The following CDS1 variants were observed in gnomAD, a reference collection of about 807,000 sequenced individuals.
CDS1 encodes phosphatidate cytidylyltransferase 1.
In CDS1, 41 loss-of-function variants were observed where a neutral mutation model predicts 62.1. The ratio of observed to expected loss-of-function variants is 0.66; its 90% confidence interval spans 0.51 to 0.86. The LOEUF is 0.86. Ranked by LOEUF, CDS1 falls within the 40% of genes least tolerant of loss-of-function variation. The pLI is 0.00. For missense variants in CDS1, 470 were observed against 550.1 expected (o/e 0.85, Z 1.46); for synonymous variants, 185 against 192.6 (o/e 0.96, Z 0.32).
At chr4:84,596,872 C>T (rs1237845478) in intron 1 of CDS1, among the ~76,000 whole-genome samples, 6 of 151,820 alleles carry the variant, frequency 4.0e-5, no homozygotes, top group Non-Finnish European at 7.4e-5. Flanking sequence ...AGAAGAATAC[C>T]GTAGCACAAT....
intron 2 of CDS1, among the ~76,000 whole-genome samples, chr4:84,606,333 T>C (rs1723095326): frequency 6.7e-6 from 1 of 149,988 alleles, no homozygotes; most frequent in African/African-American, 2.5e-5. Context: ...TGTGTGTGTA[T>C]GTGTGTGTAT....
intron 9 of CDS1, among the ~76,000 whole-genome samples, chr4:84,639,734 G>A (rs1578053134): frequency 6.6e-6 from 1 of 152,042 alleles, no homozygotes; most frequent in African/African-American, 2.4e-5. Context: ...AGCCTGGAGA[G>A]AGTGAATATA....
At chr4:84,616,283 C>A (rs1274587615) in intron 3 of CDS1, among the ~76,000 whole-genome samples, 1 of 152,114 alleles carries the variant, frequency 6.6e-6, no homozygotes, top group African/African-American at 2.4e-5. Context: ...CCTACAAGTA[C>A]TGTTTATGGT....
chr4:84,613,085 GAT>G lies in CDS1; in HGVS notation c.342+3575_342+3576del, dbSNP rs145991468. 4.7e-3 allele frequency among the ~76,000 whole-genome samples: 692 copies of G among 148,020 alleles called. 1 individual carries two copies. The highest frequency in any genetic ancestry group is 0.013 in the African/African-American group (517 of 40,554). ...TTTATTACATACACATACATGCATAGATATATATATATATATTATGTTTTTAT... is the reference window on the plus strand; with the variant it reads ...TTTATTACATACACATACATGCATAGATATATATATATATTATGTTTTTAT... On this transcript the variant is annotated intron_variant, in intron 3 of 12. Coordinates refer to ENST00000295887, the MANE Select transcript of CDS1 (RefSeq NM_001263.4).
chr4:84,589,886 C>T (rs1722534763), intron 1 of CDS1, among the ~76,000 whole-genome samples: 1 of 152,194 alleles, frequency 6.6e-6, no homozygotes, highest in Admixed American at 6.5e-5. Flanking sequence ...CCTCGGCTCA[C>T]TGCAAGCTCT....
chr4:84,634,300 T>C (rs1724112224), intron 7 of CDS1, among the ~76,000 whole-genome samples: 1 of 152,170 alleles, frequency 6.6e-6, no homozygotes, highest in Non-Finnish European at 1.5e-5. Context: ...TATAAAACTT[T>C]GCCTACTAGT....
chr4:84,632,014 G>A, intron 6 of CDS1, 137 bp downstream of exon 6: 1 of 565,506 alleles, frequency 1.8e-6, no homozygotes, highest in Non-Finnish European at 3.2e-6. Flanking sequence ...GATTTCAGAT[G>A]ACCATTAGAT....
chr4:84,603,268 T>G (rs987964896), intron 1 of CDS1, among the ~76,000 whole-genome samples: 1 of 152,206 alleles, frequency 6.6e-6, no homozygotes, highest in Non-Finnish European at 1.5e-5. Context: ...CTTGATATCC[T>G]GCTCAATGCT....
At chr4:84,646,685 T>TA (rs1724567726) in intron 12 of CDS1, among the ~76,000 whole-genome samples, 1 of 152,204 alleles carries the variant, frequency 6.6e-6, no homozygotes, top group Non-Finnish European at 1.5e-5. Flanking sequence ...ATCTATTCTG[T>TA]GGTACAGCAT....
chr4:84,635,239 C>CTTTTTTTTTTTTT, intron 7 of CDS1, 25 bp from the exon 8 acceptor site: 1 of 1,035,208 alleles, frequency 9.7e-7, no homozygotes, highest in Non-Finnish European at 1.4e-6. Context: ...TTTCTGCTGA[C>CTTTTTTTTTTTTT]TTTTTTTTTT....
intron 12 of CDS1, among the ~76,000 whole-genome samples, chr4:84,645,948 G>T (rs1190204794): frequency 1.3e-5 from 2 of 152,146 alleles, no homozygotes; most frequent in African/African-American, 4.8e-5. Context: ...TTTTAGAAAG[G>T]GTGGTTTATT....
intron 4 of CDS1, among the ~76,000 whole-genome samples, chr4:84,618,395 T>C (rs1372126325): frequency 1.3e-5 from 2 of 152,172 alleles, no homozygotes; most frequent in South Asian, 2.1e-4. Flanking sequence ...GATAAAGTAA[T>C]TGGAGAATAA....
At chr4:84,616,867 C>T (rs987201190) in intron 3 of CDS1, among the ~76,000 whole-genome samples, 8 of 152,186 alleles carry the variant, frequency 5.3e-5, no homozygotes, top group African/African-American at 1.2e-4. Flanking sequence ...AATCTAAACC[C>T]GTTTAATAGG....
intron 3 of CDS1, among the ~76,000 whole-genome samples, chr4:84,613,493 C>G (rs1723392994): frequency 6.6e-6 from 1 of 152,004 alleles, no homozygotes; most frequent in Non-Finnish European, 1.5e-5. Context: ...ACCTGTAGTC[C>G]TAGCTACTCA....
At chr4:84,613,315 A>G (rs986146174) in intron 3 of CDS1, among the ~76,000 whole-genome samples, 6 of 152,092 alleles carry the variant, frequency 3.9e-5, no homozygotes, top group Non-Finnish European at 7.3e-5. Context: ...GTTTTATTAA[A>G]AACTTCTAGG....
At position 84,628,234 on chromosome 4, in the gene CDS1, A is replaced by T. The variant is rs534491038; in HGVS notation, c.581-3585A>T. ...GCCCATCCTACTGTCTGCTTTTTGA[A>T]TTAAGGGCTATATGTGTTTACTAAA... On this transcript the variant is annotated intron_variant, in intron 5 of 12. Transcript: ENST00000295887. Among the ~76,000 whole-genome samples the T allele has an allele frequency of 3.9e-5, 6 of 152,260 alleles. No homozygotes were observed. In the East Asian group the frequency reaches 1.2e-3, roughly 29 times the overall value.
chr4:84,605,901 T>C lies in CDS1; in HGVS notation c.245+1531T>C, dbSNP rs535318463. Among the ~76,000 whole-genome samples the C allele has an allele frequency of 1.0e-3, 159 of 152,282 alleles. 2 individuals are homozygous for C. The highest frequency in any genetic ancestry group is 3.6e-3 in the African/African-American group (148 of 41,576). On this transcript the variant is annotated intron_variant, in intron 2 of 12. Coordinates refer to ENST00000295887, the MANE Select transcript of CDS1 (RefSeq NM_001263.4). ...TGTGGAAACGTAGGCAGATATTATATATCAAGGGTCATGTAGCTAGTAAGT... is the reference window on the plus strand; with the variant it reads ...TGTGGAAACGTAGGCAGATATTATACATCAAGGGTCATGTAGCTAGTAAGT...
In CDS1 at chr4:84,630,623, C is replaced by G. The variant is rs561723374; in HGVS notation, c.581-1196C>G. Among the ~76,000 whole-genome samples the G allele has an allele frequency of 3.9e-5, 6 of 152,176 alleles. No homozygotes were observed. In the South Asian group the frequency reaches 1.2e-3, roughly 32 times the overall value. ...TTGATCAACTGAAAATTCAATTTCT[C>G]TCTTGGAGAACTCACTCTTTAAAGA... On this transcript the variant is annotated intron_variant, in intron 5 of 12. Coordinates refer to ENST00000295887, the MANE Select transcript of CDS1 (RefSeq NM_001263.4).
At chr4:84,644,784 G>A (rs17376293) in intron 11 of CDS1, among the ~76,000 whole-genome samples, 5,424 of 152,260 alleles carry the variant, frequency 0.036, 105 homozygotes, top group South Asian at 0.052. Context: ...GTAGTAAAAT[G>A]TTTATTTCAG....
Sources: gnomAD v4.1 joint callset for allele counts (sites outside exome capture counted in the v4.1 genomes callset) on GRCh38, gnomAD v4.1.1 for gene constraint, MANE v1.5 for transcripts, NCBI Gene and HGNC (gene_info 2026-07-23, HGNC 2026-07-21) for gene names.